NAA11: variants seen among roughly 807,000 people sequenced by gnomAD.
The protein encoded by NAA11 is N-alpha-acetyltransferase 11.
Under a neutral mutation model 16.1 loss-of-function variants are expected in NAA11, and 15 were observed. That is an observed-to-expected ratio of 0.93 (90% CI 0.62 to 1.44). The LOEUF (loss-of-function observed/expected upper bound fraction) is 1.44. Ranked by LOEUF, NAA11 falls within the 40% of genes most tolerant of loss-of-function variation. The pLI is 0.00. For synonymous variants in NAA11, 122 were observed against 112.4 expected (o/e 1.09, Z -0.54); for missense variants, 298 against 291.3 (o/e 1.02, Z -0.17).
intron 2 of NAA11, among the ~76,000 whole-genome samples, chr4:79,281,916 T>C (rs539902448): frequency 6.6e-6 from 1 of 152,240 alleles, no homozygotes; most frequent in African/African-American, 2.4e-5. Context: ...TAAGGCAGGT[T>C]GGACAAGCTC....
intron 2 of NAA11, among the ~76,000 whole-genome samples, chr4:79,240,761 T>A (rs1466251854): frequency 6.6e-6 from 1 of 152,086 alleles, no homozygotes; most frequent in Non-Finnish European, 1.5e-5. Flanking sequence ...AAGGAGAAAC[T>A]GGGCTGCTGT....
At chr4:79,280,214 C>T (rs1722751698) in intron 2 of NAA11, among the ~76,000 whole-genome samples, 1 of 150,828 alleles carries the variant, frequency 6.6e-6, no homozygotes, top group African/African-American at 2.5e-5. Context: ...TGAAATCAGG[C>T]AGATTGTGAA....
At chr4:79,165,260 C>G in the NAA11 span, among the ~76,000 whole-genome samples, 2 of 152,168 alleles carry the variant, frequency 1.3e-5, no homozygotes, top group Non-Finnish European at 2.9e-5. Context: ...GGGACAGGCT[C>G]TGTGCATCAC....
the NAA11 span, among the ~76,000 whole-genome samples, chr4:79,176,938 C>G: frequency 1.1e-4 from 17 of 152,162 alleles, no homozygotes; most frequent in Admixed American, 5.9e-4. Context: ...GGTGTCATAC[C>G]TGGTGTTCTG....
the NAA11 span, among the ~76,000 whole-genome samples, chr4:79,176,301 G>T: frequency 3.9e-5 from 6 of 152,140 alleles, no homozygotes; most frequent in Non-Finnish European, 8.8e-5. Flanking sequence ...CAATTCTTTT[G>T]TGTATGCATG....
chr4:79,319,525 G>C (rs1724029156), intron 1 of NAA11, among the ~76,000 whole-genome samples: 1 of 152,080 alleles, frequency 6.6e-6, no homozygotes, highest in Non-Finnish European at 1.5e-5. Context: ...AAGCCCATTG[G>C]ATTTCATATA....
rs1186538825 is a variant in NAA11, at chr4:79,237,802, CT to C, written c.*123-11533del. 2.0e-5 allele frequency among the ~76,000 whole-genome samples: 3 copies of C among 152,220 alleles called. No homozygotes were observed. In the East Asian group the frequency reaches 5.8e-4, roughly 29 times the overall value. On this transcript the variant is annotated intron_variant and NMD_transcript_variant, in intron 2 of 2. Transcript: ENST00000511542. ...CCAAGCTACATGTGGGTCATATTTT[CT>C]TTGTCATGACAAAATATGTACAGTT...
chr4:79,178,343 G>A, the NAA11 span, among the ~76,000 whole-genome samples: 7 of 152,098 alleles, frequency 4.6e-5, no homozygotes, highest in Admixed American at 2.0e-4. Context: ...TGATACAGAC[G>A]TTAAATTCAG....
intron 2 of NAA11, among the ~76,000 whole-genome samples, chr4:79,235,352 A>G (rs1390046123): frequency 1.3e-5 from 2 of 152,080 alleles, no homozygotes; most frequent in Non-Finnish European, 2.9e-5. Flanking sequence ...TTATCGACAG[A>G]TGGAGGACCC....
chr4:79,280,364 G>C (rs896055029), intron 2 of NAA11, among the ~76,000 whole-genome samples: 6 of 152,070 alleles, frequency 3.9e-5, no homozygotes, highest in Non-Finnish European at 8.8e-5. Context: ...TTAATTAAAT[G>C]TTATTTTCCT....
the NAA11 span, among the ~76,000 whole-genome samples, chr4:79,183,169 C>CT: frequency 6.6e-6 from 1 of 152,096 alleles, no homozygotes; most frequent in African/African-American, 2.4e-5. Context: ...AAATTAACAG[C>CT]TGTAAAAGTT....
the NAA11 span, among the ~76,000 whole-genome samples, chr4:79,175,676 G>A: frequency 6.8e-6 from 1 of 147,824 alleles, no homozygotes; most frequent in Non-Finnish European, 1.5e-5. Flanking sequence ...TGGAGACCTT[G>A]AAGCCGGGAG....
the NAA11 span, among the ~76,000 whole-genome samples, chr4:79,194,959 A>C: frequency 4.6e-5 from 7 of 152,124 alleles, no homozygotes; most frequent in African/African-American, 1.7e-4. Flanking sequence ...GAGGAACTCC[A>C]TGGACTCCAC....
intron 2 of NAA11, among the ~76,000 whole-genome samples, chr4:79,226,692 C>T (rs1272118761): frequency 6.7e-6 from 1 of 149,880 alleles, no homozygotes; most frequent in Non-Finnish European, 1.5e-5. Flanking sequence ...GTTTTTTTGT[C>T]CTTGCAATAG....
the NAA11 span, among the ~76,000 whole-genome samples, chr4:79,189,659 CTT>C: frequency 1.3e-5 from 2 of 152,168 alleles, no homozygotes; most frequent in African/African-American, 4.8e-5. Flanking sequence ...TGATTAGAAA[CTT>C]GATTAGTAAC....
chr4:79,196,953 G>GAAAA, the NAA11 span, among the ~76,000 whole-genome samples: 1 of 894 alleles, frequency 1.1e-3, no homozygotes, highest in Admixed American at 0.033. Flanking sequence ...AGATGAAAAA[G>GAAAA]ACAAAAAAAA....
rs531291085 is a variant in NAA11, at chr4:79,254,912, A to T, written c.*123-28642T>A. Among the ~76,000 whole-genome samples, 197 of 152,236 alleles carry T rather than the reference A, an allele frequency of 1.3e-3. 1 individual carries two copies. Among genetic ancestry groups the T allele is most frequent in the African/African-American group, 4.2e-3 (176 of 41,560 alleles). On this transcript the variant is annotated intron_variant and NMD_transcript_variant, in intron 2 of 2. Coordinates refer to the NAA11 transcript ENST00000511542. ...AAGTTGGTATTATTATCAGTATTTT[A>T]CATATGAGGAAACTGAGGCAACTAA...
At chr4:79,280,178 A>T (rs1273128567) in intron 2 of NAA11, among the ~76,000 whole-genome samples, 1 of 152,114 alleles carries the variant, frequency 6.6e-6, no homozygotes, top group African/African-American at 2.4e-5. Flanking sequence ...TAACTTCCAT[A>T]AAAGTTTCCA....
intron 2 of NAA11, chr4:79,227,906 TA>T (rs1385955727): frequency 2.0e-5 from 3 of 152,028 alleles, no homozygotes; most frequent in Admixed American, 6.6e-5. Context: ...AATATGTAGG[TA>T]TTTCGTTTCT....
Sources: allele counts gnomAD v4.1 joint callset (sites outside exome capture counted in the v4.1 genomes callset), GRCh38; gene constraint gnomAD v4.1.1; transcripts MANE v1.5; gene names NCBI Gene and HGNC (gene_info 2026-07-23, HGNC 2026-07-21).